Variants in CBL observed in about 807,000 individuals in gnomAD.
CBL encodes E3 ubiquitin-protein ligase CBL.
CBL carries 45 observed loss-of-function variants against 96.9 expected under a neutral mutation model. The observed-to-expected ratio is 0.46, with a 90% CI of 0.37 to 0.60. The LOEUF (loss-of-function observed/expected upper bound fraction) is 0.60. Ranked by LOEUF, CBL falls within the 20% of genes least tolerant of loss-of-function variation. CBL has a pLI of 0.00. For synonymous variants in CBL, 420 were observed against 426.8 expected (o/e 0.98, Z 0.20); for missense variants, 1,024 against 1,143.5 (o/e 0.90, Z 1.51).
At chr11:119,235,499 T>C in intron 2 of CBL, among the ~76,000 whole-genome samples, 1 of 152,168 alleles carries the variant, frequency 6.6e-6, no homozygotes, top group East Asian at 1.9e-4. Flanking sequence ...TTCATCCTCA[T>C]TGTCTTCAGG....
At chr11:119,262,050 C>G (rs1949758804) in intron 2 of CBL, among the ~76,000 whole-genome samples, 1 of 152,100 alleles carries the variant, frequency 6.6e-6, no homozygotes. Context: ...TCATGGCATG[C>G]AAACACTAAG....
At chr11:119,221,490 G>A (rs2135257368) in intron 1 of CBL, among the ~76,000 whole-genome samples, 1 of 152,070 alleles carries the variant, frequency 6.6e-6, no homozygotes, top group South Asian at 2.1e-4. Flanking sequence ...ACTATAAGCT[G>A]GGCACAGTGG....
chr11:119,267,789 C>G (rs530470404), intron 2 of CBL, among the ~76,000 whole-genome samples: 3 of 152,194 alleles, frequency 2.0e-5, no homozygotes, highest in Admixed American at 1.3e-4. Context: ...TTTTGCCGTT[C>G]GCTTGGCCCA....
intron 1 of CBL, among the ~76,000 whole-genome samples, chr11:119,229,312 C>T (rs1208997841): frequency 3.3e-5 from 5 of 152,032 alleles, no homozygotes; most frequent in Non-Finnish European, 5.9e-5. Flanking sequence ...AGTTATCTTC[C>T]GAGGTGGAGT....
intron 2 of CBL, among the ~76,000 whole-genome samples, chr11:119,255,434 A>G (rs1306514985): frequency 6.6e-6 from 1 of 150,428 alleles, no homozygotes; most frequent in Non-Finnish European, 1.5e-5. Flanking sequence ...TGAGATGATT[A>G]TATGTTTTTT....
chr11:119,299,416 A>G, intron 15 of CBL, 79 bp from the exon 16 acceptor site: 2 of 1,314,568 alleles, frequency 1.5e-6, no homozygotes, highest in South Asian at 1.2e-5. Flanking sequence ...TAATATCTTG[A>G]TATTAGCACA....
chr11:119,267,613 T>G (rs1246453048), intron 2 of CBL, among the ~76,000 whole-genome samples: 1 of 152,200 alleles, frequency 6.6e-6, no homozygotes, highest in African/African-American at 2.4e-5. Context: ...ATACTCTGTG[T>G]TATTCTTCCT....
At chr11:119,278,375 C>T (rs929707353) in intron 8 of CBL, 78 bp downstream of exon 8, 6 of 1,565,034 alleles carry the variant, frequency 3.8e-6, no homozygotes, top group African/African-American at 2.7e-5. Context: ...TTTACTGATA[C>T]AAGGGGTGGC....
chr11:119,212,263 A>G (rs1393417320), intron 1 of CBL, among the ~76,000 whole-genome samples: 1 of 152,212 alleles, frequency 6.6e-6, no homozygotes, highest in Non-Finnish European at 1.5e-5. Flanking sequence ...TAAATGGAGT[A>G]TAGTTTATTA....
chr11:119,297,040 T>A lies in CBL; in HGVS notation c.2153+6T>A. Reference sequence around the variant, plus strand: ...GATACATCCCAGAGTTCACGGTAGGTTCACAACAACCCTTTTTGGGCCCTA... The same window carrying A: ...GATACATCCCAGAGTTCACGGTAGGATCACAACAACCCTTTTTGGGCCCTA... On this transcript the variant is annotated splice_donor_region_variant and intron_variant, in intron 13 of 15. Transcript: ENST00000264033. 6.8e-7 allele frequency: 1 copy of A among 1,465,810 alleles called. No individual in the cohort carries two copies. The highest frequency in any genetic ancestry group is 9.6e-7 in the Non-Finnish European group (1 of 1,044,354). 90.8% of individuals were successfully genotyped at this position (1,465,810 alleles called of 1,614,324 possible). A position where few individuals can be genotyped will look rare whatever the true frequency, so the allele number is the denominator to read the frequency against.
intron 2 of CBL, among the ~76,000 whole-genome samples, chr11:119,250,583 A>G (rs928959952): frequency 1.3e-5 from 2 of 152,198 alleles, no homozygotes; most frequent in African/African-American, 2.4e-5. Context: ...AGTAAGTTAG[A>G]TCAATCACAG....
In CBL at chr11:119,277,747, C is replaced by T. The variant is rs1376523909; in HGVS notation, c.1008-10C>T. The T allele has an allele frequency of 1.9e-6, 3 of 1,605,850 alleles. No homozygotes were observed. The highest frequency in any genetic ancestry group is 1.1e-5 in the South Asian group (1 of 90,890). ...CTTAAATAAAACCCAGGGTTGGTTA[C>T]TCTTTACAGCTATTTGTTTCCTGAT... On this transcript the variant is annotated splice_polypyrimidine_tract_variant and intron_variant, in intron 6 of 15. Coordinates refer to ENST00000264033, the MANE Select transcript of CBL (RefSeq NM_005188.4).
intron 1 of CBL, among the ~76,000 whole-genome samples, chr11:119,220,040 G>C (rs1294344238): frequency 6.6e-6 from 1 of 152,044 alleles, no homozygotes; most frequent in Non-Finnish European, 1.5e-5. Flanking sequence ...AGTAGAGGCG[G>C]GGTTTCACCA....
intron 2 of CBL, among the ~76,000 whole-genome samples, chr11:119,265,025 C>T (rs1276933662): frequency 6.6e-6 from 1 of 151,870 alleles, no homozygotes; most frequent in African/African-American, 2.4e-5. Context: ...TACAGCTGTG[C>T]ACCACCATAC....
At chr11:119,275,607 T>C (rs1949883942) in intron 5 of CBL, among the ~76,000 whole-genome samples, 1 of 152,186 alleles carries the variant, frequency 6.6e-6, no homozygotes, top group Non-Finnish European at 1.5e-5. Context: ...CTCACACCTG[T>C]AATCCCAGCA....
chr11:119,257,527 C>G (rs1949720872), intron 2 of CBL, among the ~76,000 whole-genome samples: 1 of 152,066 alleles, frequency 6.6e-6, no homozygotes, highest in Admixed American at 6.6e-5. Flanking sequence ...TTGTTGGATG[C>G]ATTGCTTGCA....
At chr11:119,239,064 A>G (rs1240987639) in intron 2 of CBL, among the ~76,000 whole-genome samples, 1 of 152,084 alleles carries the variant, frequency 6.6e-6, no homozygotes, top group East Asian at 1.9e-4. Context: ...TCACCTCCCA[A>G]GCTCAGGTGA....
In CBL at chr11:119,304,623, A is replaced by G. The variant is rs533213622; in HGVS notation, c.*4842A>G. On this transcript the variant is annotated 3_prime_UTR_variant, in exon 16 of 16. Transcript: ENST00000264033. ...ACCATGAACAAATTCTCAATTTCCC[A>G]TACTTAATTTTTTTTTTTTTTGAGA... The G allele has an allele frequency of 6.2e-4, 141 of 227,634 alleles. No homozygotes were observed. Among genetic ancestry groups the G allele is most frequent in the African/African-American group, 2.9e-3 (129 of 44,750 alleles). The allele number at this position is 227,634 out of a possible 1,614,324, so 14.1% of individuals were successfully genotyped here. A position where few individuals can be genotyped will look rare whatever the true frequency, so the allele number is the denominator to read the frequency against.
At chr11:119,222,735 A>G (rs1252620579) in intron 1 of CBL, among the ~76,000 whole-genome samples, 1 of 151,916 alleles carries the variant, frequency 6.6e-6, no homozygotes, top group African/African-American at 2.4e-5. Flanking sequence ...TTCACTAAAT[A>G]ATATAGGCAG....
Sources: gnomAD v4.1 joint callset for allele counts (sites outside exome capture counted in the v4.1 genomes callset) on GRCh38, gnomAD v4.1.1 for gene constraint, MANE v1.5 for transcripts, NCBI Gene and HGNC (gene_info 2026-07-23, HGNC 2026-07-21) for gene names.